Variants in TRMT11 observed in about 807,000 individuals in gnomAD.
TRMT11 encodes tRNA (guanine(10)-N(2))-methyltransferase TRMT11.
Under a neutral mutation model 62.8 loss-of-function variants are expected in TRMT11, and 53 were observed. The observed-to-expected ratio is 0.84, with a 90% CI of 0.68 to 1.06. The LOEUF (loss-of-function observed/expected upper bound fraction) is 1.06, where lower values mean the gene tolerates loss of function less well. TRMT11 is among the 50% of genes least tolerant of loss of function. TRMT11 has a pLI of 0.00. For missense variants in TRMT11, 556 were observed against 553.4 expected, an observed-to-expected ratio of 1.00 and a Z score of -0.05; for synonymous variants, 188 against 190.3, an observed-to-expected ratio of 0.99 and a Z score of 0.10.
intron 17 of TRMT11, among the ~76,000 whole-genome samples, chr6:126,110,616 C>T (rs1221330630): frequency 3.9e-5 from 6 of 152,004 alleles, no homozygotes; most frequent in South Asian, 2.1e-4. Context: ...GTTGTATAAA[C>T]GTACAATGGA....
intron 21 of TRMT11, among the ~76,000 whole-genome samples, chr6:126,158,902 C>T (rs531005806): frequency 3.3e-4 from 51 of 152,306 alleles, no homozygotes; most frequent in African/African-American, 1.2e-3. Flanking sequence ...TGGCATCTTT[C>T]TGTCACTTCC....
At chr6:126,165,482 A>C (rs906523570) in intron 21 of TRMT11, among the ~76,000 whole-genome samples, 1 of 152,162 alleles carries the variant, frequency 6.6e-6, no homozygotes, top group Non-Finnish European at 1.5e-5. Flanking sequence ...CCGGCTTGTG[A>C]CAAAAATCCC....
intron 21 of TRMT11, among the ~76,000 whole-genome samples, chr6:126,144,357 A>G (rs1366101050): frequency 6.6e-6 from 1 of 152,092 alleles, no homozygotes; most frequent in African/African-American, 2.4e-5. Flanking sequence ...GCGTGAATTC[A>G]TTTCTCACTA....
chr6:126,268,996 T>C, the TRMT11 span, among the ~76,000 whole-genome samples: 1 of 151,902 alleles, frequency 6.6e-6, no homozygotes, highest in African/African-American at 2.4e-5. Context: ...GCGCGGTGGC[T>C]CACGCCTGTA....
chr6:126,031,396 A>C (rs1242706269), intron 12 of TRMT11, among the ~76,000 whole-genome samples: 1 of 152,178 alleles, frequency 6.6e-6, no homozygotes, highest in Non-Finnish European at 1.5e-5. Flanking sequence ...GAACAGACTA[A>C]GGCTTCTTAT....
At chr6:126,189,846 T>C (rs1778574900) in intron 1 of TRMT11, among the ~76,000 whole-genome samples, 2 of 152,114 alleles carry the variant, frequency 1.3e-5, no homozygotes, top group South Asian at 4.1e-4. Context: ...AAAAGTTATT[T>C]ATTTCAGAAG....
At chr6:126,227,665 G>C in the TRMT11 span, among the ~76,000 whole-genome samples, 4 of 152,322 alleles carry the variant, frequency 2.6e-5, no homozygotes, top group Admixed American at 6.5e-5. Context: ...ATGTGCTTCT[G>C]TTTAGTTACC....
chr6:125,994,343 T>A (rs1044798756), intron 2 of TRMT11, among the ~76,000 whole-genome samples: 1 of 151,980 alleles, frequency 6.6e-6, no homozygotes, highest in African/African-American at 2.4e-5. Context: ...TTTTTTTCCC[T>A]ATTGTAATTC....
chr6:126,078,576 A>T (rs537515051), intron 17 of TRMT11, among the ~76,000 whole-genome samples: 2 of 152,236 alleles, frequency 1.3e-5, no homozygotes, highest in South Asian at 4.1e-4. Flanking sequence ...CGCATTTGTC[A>T]TGGGCCCTGG....
intron 21 of TRMT11, among the ~76,000 whole-genome samples, chr6:126,149,492 A>G (rs1778013654): frequency 6.6e-6 from 1 of 152,190 alleles, no homozygotes; most frequent in Admixed American, 6.5e-5. Context: ...AGTATGCATT[A>G]TCATCTATAT....
intron 7 of TRMT11, among the ~76,000 whole-genome samples, chr6:126,003,939 G>A (rs886391528): frequency 6.6e-6 from 1 of 151,948 alleles, no homozygotes; most frequent in Admixed American, 6.6e-5. Context: ...TGCTTTTGTA[G>A]TTTTACATTT....
the TRMT11 span, among the ~76,000 whole-genome samples, chr6:126,232,429 A>G: frequency 2.6e-5 from 4 of 151,556 alleles, no homozygotes; most frequent in African/African-American, 9.7e-5. Flanking sequence ...TTTTTCTGGT[A>G]TCTTTAAAAG....
At chr6:126,170,656 T>G (rs1434559117) in intron 21 of TRMT11, among the ~76,000 whole-genome samples, 1 of 152,090 alleles carries the variant, frequency 6.6e-6, no homozygotes, top group African/African-American at 2.4e-5. Flanking sequence ...CAGGTCTCAC[T>G]CCACACTTCC....
At chr6:126,118,907 T>A (rs947883323) in intron 21 of TRMT11, among the ~76,000 whole-genome samples, 1 of 152,132 alleles carries the variant, frequency 6.6e-6, no homozygotes, top group Non-Finnish European at 1.5e-5. Flanking sequence ...TATCACTATT[T>A]ATTAATAAGC....
intron 7 of TRMT11, among the ~76,000 whole-genome samples, chr6:125,999,958 C>G (rs889506887): frequency 6.6e-6 from 1 of 152,096 alleles, no homozygotes; most frequent in Non-Finnish European, 1.5e-5. Context: ...GAAAGAAAGA[C>G]TTGGATGACA....
intron 7 of TRMT11, among the ~76,000 whole-genome samples, chr6:126,002,496 T>G (rs1792673589): frequency 6.6e-6 from 1 of 152,136 alleles, no homozygotes; most frequent in South Asian, 2.1e-4. Context: ...ATCCTGTGAA[T>G]AAGAGTTCAG....
At chr6:126,123,197 A>C (rs964019386) in intron 21 of TRMT11, among the ~76,000 whole-genome samples, 63 of 152,110 alleles carry the variant, frequency 4.1e-4, no homozygotes, top group Admixed American at 3.1e-3. Flanking sequence ...AAAAGCTAGC[A>C]ATTCCCAATT....
At chr6:126,038,447 AAAAAAAG>A (rs1258968112) in intron 12 of TRMT11, among the ~76,000 whole-genome samples, 2 of 150,298 alleles carry the variant, frequency 1.3e-5, no homozygotes, top group East Asian at 1.9e-4. Flanking sequence ...CAAAAAAAAA[AAAAAAAG>A]AAAAAAAGAA....
chr6:126,167,252 C>T (rs899056174), intron 21 of TRMT11, among the ~76,000 whole-genome samples: 3 of 152,190 alleles, frequency 2.0e-5, no homozygotes, highest in African/African-American at 7.2e-5. Context: ...TGTAGGCACC[C>T]GAGGGAATCT....
Sources: allele counts gnomAD v4.1 joint callset (sites outside exome capture counted in the v4.1 genomes callset), GRCh38; gene constraint gnomAD v4.1.1; transcripts MANE v1.5; gene names NCBI Gene and HGNC (gene_info 2026-07-23, HGNC 2026-07-21).